PROSER2: variants seen among roughly 807,000 people sequenced by gnomAD.
PROSER2 encodes the protein proline and serine rich 2, also known as proline and serine-rich protein 2.
In PROSER2, 18 loss-of-function variants were observed where a neutral mutation model predicts 14.6. The ratio of observed to expected loss-of-function variants is 1.23; its 90% CI spans 0.85 to 1.83. The LOEUF (loss-of-function observed/expected upper bound fraction) is 1.83. Among genes scored for constraint, PROSER2 ranks in the 40% most tolerant of loss-of-function variants. The probability of loss-of-function intolerance (pLI) is 0.00; values close to 1 mark genes in which losing one functional copy is unlikely to be tolerated. For missense variants in PROSER2, 823 were observed against 629.8 expected, an observed-to-expected ratio of 1.31 and a Z score of -3.28; for synonymous variants, 367 against 286.4, an observed-to-expected ratio of 1.28 and a Z score of -2.84.
chr10:11,870,187 G>T lies in PROSER2; in HGVS notation c.1089G>T (p.Gly363=), dbSNP rs1325258308. 8.1e-6 allele frequency: 12 copies of T among 1,487,400 alleles called. No individual in the cohort carries two copies. The highest frequency in any genetic ancestry group is 2.2e-4 in the Middle Eastern group (1 of 4,520). The allele number at this position is 1,487,400 out of a possible 1,614,324, so 92.1% of individuals were successfully genotyped here. A position where few individuals can be genotyped will look rare whatever the true frequency, so the allele number is the denominator to read the frequency against. ...CACCCAGCTCCTTCGCGCCCGCTGG[G>T]AAGTCCCTCTGCTTCCGCCCTGGCC... The part of the protein sequence containing the change: ...KSAPSSFAPA[G]KSLCFRPGPA... The change falls in exon 4 of 4, where the codon GGG becomes GGT. Residue 363 remains glycine (G), a synonymous_variant. Coordinates refer to ENST00000277570, the MANE Select transcript of PROSER2 (RefSeq NM_153256.4).
rs1380665493 is a variant in PROSER2, at chr10:11,856,061, T to C, written c.138+3846T>C. Among the ~76,000 whole-genome samples the C allele has an allele frequency of 6.6e-6, 1 of 152,190 alleles. No homozygotes were observed. Among genetic ancestry groups the C allele is most frequent in the Admixed American group, 6.5e-5 (1 of 15,274 alleles). On this transcript the variant is annotated intron_variant, in intron 2 of 3. Coordinates refer to ENST00000277570, the MANE Select transcript of PROSER2 (RefSeq NM_153256.4). This position sits in a 1 kb window ranked among gnomAD's most constrained non-coding sequence, Gnocchi z 5.3. ...GCATCCCTTGAATTATGTCTTTTCA[T>C]TTGAAACATAAGAGGGCAGCTTTGA...
chr10:11,861,720 A>G (rs2131085845), intron 2 of PROSER2, among the ~76,000 whole-genome samples: 1 of 152,204 alleles, frequency 6.6e-6, no homozygotes, highest in South Asian at 2.1e-4. Context: ...CTCATTCCTT[A>G]CCTTGGTAGA....
intron 1 of PROSER2, among the ~76,000 whole-genome samples, chr10:11,848,207 C>T (rs1003746249): frequency 8.5e-5 from 13 of 152,118 alleles, no homozygotes; most frequent in East Asian, 7.7e-4. Flanking sequence ...CTCACTCTGC[C>T]GCCCAGGCTG....
At chr10:11,850,896 G>GT (rs954262924) in intron 1 of PROSER2, 5 of 152,280 alleles carry the variant, frequency 3.3e-5, no homozygotes, top group African/African-American at 1.2e-4. Flanking sequence ...CTAACATGCC[G>GT]TTCAGGGGCT....
At chr10:11,845,861 T>C (rs1588489272) in intron 1 of PROSER2, among the ~76,000 whole-genome samples, 1 of 152,326 alleles carries the variant, frequency 6.6e-6, no homozygotes, top group East Asian at 1.9e-4. Flanking sequence ...TAGAGAAAGC[T>C]GGAGAATGGT....
intron 2 of PROSER2, among the ~76,000 whole-genome samples, chr10:11,855,514 C>T (rs574907349): frequency 1.3e-4 from 20 of 150,756 alleles, no homozygotes; most frequent in East Asian, 5.8e-4. Flanking sequence ...AAAAGATGAA[C>T]GCCTGATTTT....
chr10:11,823,982 G>T lies in PROSER2; in HGVS notation c.-82+512G>T, dbSNP rs535168065. Among the ~76,000 whole-genome samples the T allele has an allele frequency of 2.0e-5, 3 of 152,234 alleles. No homozygotes were observed. Among genetic ancestry groups the T allele is most frequent in the Non-Finnish European group, 2.9e-5 (2 of 68,040 alleles). On this transcript the variant is annotated intron_variant, in intron 1 of 3. Transcript: ENST00000277570. This position sits in a 1 kb window ranked among gnomAD's most constrained non-coding sequence, Gnocchi z 6.2. The stretch of plus-strand genomic sequence containing the variant: ...GTGCAGGGTCTGCCCAGCCCAGCGC[G>T]GCGGGAGGGACTAAAATAGAGGAGA...
rs1216431420 is a variant in PROSER2, at chr10:11,869,672, C to T, written c.574C>T (p.Pro192Ser). 1.2e-6 allele frequency: 2 copies of T among 1,600,106 alleles called. No homozygotes were observed. Among genetic ancestry groups the T allele is most frequent in the East Asian group, 2.3e-5 (1 of 43,898 alleles). ...GCACCCCAGACTCCTGCGCTCTGTT[C>T]CCACGCCCCTCGTTATGGCGCAGAA... is the stretch of plus-strand genomic sequence containing the variant. ...VEHPRLLRSV[P>S]TPLVMAQKIS... The change falls in exon 4 of 4, where the codon CCC (proline) becomes TCC (serine). Residue 192 changes from proline (P) to serine (S), a missense_variant. Coordinates refer to ENST00000277570, the MANE Select transcript of PROSER2 (RefSeq NM_153256.4). This position sits in a 1 kb window ranked among gnomAD's most constrained non-coding sequence, Gnocchi z 4.4.
chr10:11,859,073 A>C (rs933532323), intron 2 of PROSER2, among the ~76,000 whole-genome samples: 1 of 150,986 alleles, frequency 6.6e-6, no homozygotes, highest in Non-Finnish European at 1.5e-5. Context: ...ACATCTGAAG[A>C]TGTGTATCCT....
chr10:11,859,002 CTG>C (rs1834179249), intron 2 of PROSER2, among the ~76,000 whole-genome samples: 1 of 83,360 alleles, frequency 1.2e-5, no homozygotes, highest in African/African-American at 4.9e-5. Flanking sequence ...AAGCGAGACT[CTG>C]TCTCAAAAAA....
At chr10:11,840,754 GTC>G (rs1159322774) in intron 1 of PROSER2, among the ~76,000 whole-genome samples, 1 of 151,130 alleles carries the variant, frequency 6.6e-6, no homozygotes, top group African/African-American at 2.4e-5. Flanking sequence ...GCGAAACCCT[GTC>G]TCTACTAAAA....
chr10:11,843,389 C>G (rs1190928045), intron 1 of PROSER2, among the ~76,000 whole-genome samples: 1 of 146,346 alleles, frequency 6.8e-6, no homozygotes, highest in Non-Finnish European at 1.5e-5. Context: ...CCCATCTCTA[C>G]TAAAAATACA....
intron 1 of PROSER2, among the ~76,000 whole-genome samples, chr10:11,825,429 C>T (rs778204379): frequency 6.6e-6 from 1 of 152,182 alleles, no homozygotes; most frequent in South Asian, 2.1e-4. Flanking sequence ...GGCTTGCTTC[C>T]TAGGTGCCTC....
In PROSER2 at chr10:11,838,712, A is replaced by G. The variant is rs1355745918; in HGVS notation, c.-81-13285A>G. Among the ~76,000 whole-genome samples the G allele has an allele frequency of 1.3e-5, 2 of 152,340 alleles. No individual in the cohort carries two copies. The highest frequency in any genetic ancestry group is 3.9e-4 in the East Asian group (2 of 5,194). On this transcript the variant is annotated intron_variant, in intron 1 of 3. Coordinates refer to ENST00000277570, the MANE Select transcript of PROSER2 (RefSeq NM_153256.4). The surrounding 1 kb of genome is among the most constrained non-coding windows in gnomAD (Gnocchi z 4.4). ...CACTCCAGTAGGTATTAAATAATGT[A>G]GTAGTTTTAGCTTGCACTTTTTTTG...
At chr10:11,828,570 G>T (rs551609253) in intron 1 of PROSER2, among the ~76,000 whole-genome samples, 4 of 152,112 alleles carry the variant, frequency 2.6e-5, no homozygotes, top group Non-Finnish European at 5.9e-5. Flanking sequence ...TGGCATGGTG[G>T]TGTGTGCCTG....
intron 2 of PROSER2, among the ~76,000 whole-genome samples, chr10:11,863,543 CAAA>C (rs796501996): frequency 1.6e-5 from 2 of 125,726 alleles, no homozygotes; most frequent in Non-Finnish European, 3.4e-5. Context: ...ATCCCCCCCA[CAAA>C]AAAAAAAAAA....
intron 1 of PROSER2, among the ~76,000 whole-genome samples, chr10:11,835,268 G>C (rs919267537): frequency 2.6e-5 from 4 of 152,142 alleles, no homozygotes; most frequent in Non-Finnish European, 5.9e-5. Flanking sequence ...AGTTGGCTCT[G>C]TGCACTTGTG....
In PROSER2 at chr10:11,856,643, C is replaced by A. The variant is rs144446186; in HGVS notation, c.138+4428C>A. Among the ~76,000 whole-genome samples the A allele has an allele frequency of 5.9e-3, 893 of 152,288 alleles. 10 individuals are homozygous for A. Among genetic ancestry groups the A allele is most frequent in the African/African-American group, 0.02 (813 of 41,548 alleles). Reference sequence around the variant, plus strand: ...TAATATTTGATGAACTGTCTCGAATCCCCCTCTCCCTACGCCCACAAGTGC... The same window carrying A: ...TAATATTTGATGAACTGTCTCGAATACCCCTCTCCCTACGCCCACAAGTGC... On this transcript the variant is annotated intron_variant, in intron 2 of 3. Transcript: ENST00000277570. The surrounding 1 kb of genome is among the most constrained non-coding windows in gnomAD (Gnocchi z 5.3).
chr10:11,869,733 CG>C lies in PROSER2; in HGVS notation c.636del (p.Thr214ProfsTer139). The C allele has an allele frequency of 1.3e-6, 2 of 1,588,674 alleles. No individual in the cohort carries two copies. Among genetic ancestry groups the C allele is most frequent in the Non-Finnish European group, 8.6e-7 (1 of 1,168,782 alleles). On this transcript the variant is annotated frameshift_variant, in exon 4 of 4. Transcript: ENST00000277570. LOFTEE classifies it low-confidence loss of function (END_TRUNC). This position sits in a 1 kb window ranked among gnomAD's most constrained non-coding sequence, Gnocchi z 4.4. ...SERMAGNEAL[S>X]PTSPFREGRP... is the part of the protein sequence containing the mutation. ...AGGATGGCGGGGAACGAAGCCCTCT[CG>C]CCCACCTCCCCGTTCAGGGAGGGCC... is the stretch of plus-strand genomic sequence containing the variant.
Sources: gnomAD v4.1 joint callset for allele counts (sites outside exome capture counted in the v4.1 genomes callset) on GRCh38, gnomAD v4.1.1 for gene constraint, Gnocchi (gnomAD v3.1) non-coding constraint, MANE v1.5 for transcripts, NCBI Gene and HGNC (gene_info 2026-07-23, HGNC 2026-07-21) for gene names.